Variants in GCH1 observed in about 807,000 individuals in gnomAD.
The protein encoded by GCH1 is GTP cyclohydrolase I.
GCH1 carries 5 observed loss-of-function variants against 25.9 expected under a neutral mutation model. The observed-to-expected ratio is 0.19, with a 90% CI of 0.10 to 0.41. GCH1 has a LOEUF of 0.41. Ranked by LOEUF, GCH1 falls within the 10% of genes least tolerant of loss-of-function variation. GCH1 has a pLI of 1.00. For synonymous variants in GCH1, 159 were observed against 129.6 expected, an observed-to-expected ratio of 1.23 and a Z score of -1.54; for missense variants, 261 against 336.5, an observed-to-expected ratio of 0.78 and a Z score of 1.75.
chr14:54,902,331 C>T lies in GCH1; in HGVS notation c.333G>A (p.Glu111=). 2 of 1,612,546 alleles carry T rather than the reference C, an allele frequency of 1.2e-6. No homozygotes were observed. Among genetic ancestry groups the T allele is most frequent in the Non-Finnish European group, 1.7e-6 (2 of 1,179,768 alleles). Residue 111 remains glutamate, a synonymous_variant, in exon 1 of 6, where the codon GAG becomes GAA. Transcript: ENST00000491895. ...AMQFFTKGYQ[E]TISDVLNDAI... is the part of the protein sequence containing the mutation. ...CGCGGGCGCACTGACCTGAGATGGT[C>T]TCCTGGTAGCCCTTGGTGAAGAACT...
Position 54,875,542 on chromosome 14 carries a change from C to G in GCH1, c.344-10106G>C, listed in dbSNP as rs532162507. 2.6e-5 allele frequency among the ~76,000 whole-genome samples: 4 copies of G among 152,264 alleles called. No individual in the cohort carries two copies. In the South Asian group the frequency reaches 6.2e-4, roughly 24 times the overall value. Reference sequence around the variant, plus strand: ...ACCATCAGGGTGAACAGGCAACCTACAGAATGGGAGAAAATTTTTGCAATC... The same window carrying G: ...ACCATCAGGGTGAACAGGCAACCTAGAGAATGGGAGAAAATTTTTGCAATC... On this transcript the variant is annotated intron_variant, in intron 1 of 5. Coordinates refer to ENST00000491895, the MANE Select transcript of GCH1 (RefSeq NM_000161.3).
intron 1 of GCH1, among the ~76,000 whole-genome samples, chr14:54,872,031 A>G (rs1048870382): frequency 7.9e-5 from 12 of 152,132 alleles, no homozygotes; most frequent in Non-Finnish European, 1.3e-4. Context: ...GAGCAACTCC[A>G]AGACACATAA....
rs773305370 is a variant in GCH1 at position 54,901,283 on chromosome 14, AT to A, written c.343+1037del. Among the ~76,000 whole-genome samples the A allele has an allele frequency of 4.6e-5, 7 of 152,376 alleles. No individual in the cohort carries two copies. The East Asian group carries it at 1.2e-3, about 25-fold the overall frequency. On this transcript the variant is annotated intron_variant, in intron 1 of 5. Transcript: ENST00000491895. ...AACGGTAGAATGCTTCTTAGGGCAA[AT>A]AAATAAATGTCACCAAGACACACGG... is the stretch of plus-strand genomic sequence containing the variant.
Position 54,899,999 on chromosome 14 carries a change from G to A in GCH1, c.343+2322C>T, listed in dbSNP as rs529945029. 2.3e-3 allele frequency among the ~76,000 whole-genome samples: 352 copies of A among 151,592 alleles called. 1 individual carries two copies. Among genetic ancestry groups the A allele is most frequent in the African/African-American group, 8.1e-3 (335 of 41,250 alleles). On this transcript the variant is annotated intron_variant, in intron 1 of 5. Coordinates refer to ENST00000491895, the MANE Select transcript of GCH1 (RefSeq NM_000161.3). Reference sequence around the variant, plus strand: ...CCTACCTCAGCTTCCTGAGTAGCTGGGATTACAGGCACCTGACACCATGCC... The same window carrying A: ...CCTACCTCAGCTTCCTGAGTAGCTGAGATTACAGGCACCTGACACCATGCC...
At chr14:54,859,373 G>C in intron 3 of GCH1, 1 of 402,916 alleles carries the variant, frequency 2.5e-6, no homozygotes, top group South Asian at 2.3e-5. Context: ...TAAAGGATGG[G>C]GCTGGACTGA....
At chr14:54,857,030 T>C (rs549104743) in intron 3 of GCH1, among the ~76,000 whole-genome samples, 1 of 152,342 alleles carries the variant, frequency 6.6e-6, no homozygotes, top group Non-Finnish European at 1.5e-5. Context: ...TCAGCTTTTA[T>C]TCCTCTTCAT....
chr14:54,874,592 C>A (rs1038216962), intron 1 of GCH1, among the ~76,000 whole-genome samples: 25 of 152,176 alleles, frequency 1.6e-4, no homozygotes, highest in Non-Finnish European at 2.8e-4. Flanking sequence ...ATCTAGAAAA[C>A]CCCATTGTCT....
intron 1 of GCH1, among the ~76,000 whole-genome samples, chr14:54,892,285 G>A (rs1490005653): frequency 6.6e-6 from 1 of 152,140 alleles, no homozygotes; most frequent in Non-Finnish European, 1.5e-5. Flanking sequence ...ACCCACTGGG[G>A]GTCTTGGAAC....
chr14:54,854,928 C>A (rs1320021639), intron 3 of GCH1, among the ~76,000 whole-genome samples: 1 of 152,162 alleles, frequency 6.6e-6, no homozygotes, highest in Non-Finnish European at 1.5e-5. Flanking sequence ...CTTTGGAGAG[C>A]AATTTCATAA....
chr14:54,885,360 G>T (rs562699218), intron 1 of GCH1: 3 of 263,058 alleles, frequency 1.1e-5, no homozygotes, highest in Admixed American at 8.7e-5. Context: ...GGGGGGCTGT[G>T]ATGGGGTCCA....
Position 54,843,810 on chromosome 14 carries a change from A to C in GCH1, c.*207T>G. On this transcript the variant is annotated 3_prime_UTR_variant, in exon 6 of 6. Coordinates refer to ENST00000491895, the MANE Select transcript of GCH1 (RefSeq NM_000161.3). ...ATTAGCAGTTCACTTTAATATTGCC[A>C]CAAAAAGGTGGCAAGAAGAAAGTAG... The C allele has an allele frequency of 6.2e-7, 1 of 1,613,896 alleles. No individual in the cohort carries two copies. Among genetic ancestry groups the C allele is most frequent in the Non-Finnish European group, 8.5e-7 (1 of 1,179,804 alleles).
intron 1 of GCH1, among the ~76,000 whole-genome samples, chr14:54,883,274 A>T (rs944470836): frequency 6.8e-6 from 1 of 147,066 alleles, no homozygotes; most frequent in Non-Finnish European, 1.5e-5. Flanking sequence ...CGGTAGGCTG[A>T]GGCAGATGAA....
At chr14:54,858,804 T>A (rs2039852784) in intron 3 of GCH1, among the ~76,000 whole-genome samples, 1 of 152,098 alleles carries the variant, frequency 6.6e-6, no homozygotes, top group African/African-American at 2.4e-5. Flanking sequence ...ACAAGGATAT[T>A]TAAGGGCAAT....
At position 54,902,543 on chromosome 14, in the gene GCH1, G is replaced by A; in HGVS notation, c.121C>T (p.Arg41Trp). 6.5e-7 allele frequency: 1 copy of A among 1,547,744 alleles called. No individual in the cohort carries two copies. Among genetic ancestry groups the A allele is most frequent in the South Asian group, 1.2e-5 (1 of 83,642 alleles). Residue 41 changes from arginine to tryptophan, a missense_variant, in exon 1 of 6, where the codon CGG becomes TGG. Physicochemically the swap from Arg to Trp is moderately radical, Grantham distance 101 (BLOSUM62 -3). Coordinates refer to ENST00000491895, the MANE Select transcript of GCH1 (RefSeq NM_000161.3). ...GGCTGCGCGCTCTTGGCCTCGGGCC[G>A]CGGGGGCTTCTCCGCCGGCCTGCTG... ...GPSRPAEKPP[R>W]PEAKSAQPAD...
intron 2 of GCH1, among the ~76,000 whole-genome samples, chr14:54,863,848 G>GTTGTTTGTTTGTTTGTTTGTTTGT (rs111635456): frequency 1.3e-5 from 2 of 151,396 alleles, no homozygotes; most frequent in East Asian, 1.9e-4. Flanking sequence ...GGGTTTCGTT[G>GTTGTTTGTTTGTTTGTTTGTTTGT]TTGTTTGTTT....
At chr14:54,880,465 CATAT>C (rs72187597) in intron 1 of GCH1, among the ~76,000 whole-genome samples, 1 of 73,224 alleles carries the variant, frequency 1.4e-5, no homozygotes, top group Non-Finnish European at 2.3e-5. Flanking sequence ...ATATATACTC[CATAT>C]ATATATATAC....
At chr14:54,869,720 C>T (rs2183082) in intron 1 of GCH1, among the ~76,000 whole-genome samples, 68,434 of 151,476 alleles carry the variant, frequency 0.45, 17,104 homozygotes, top group African/African-American at 0.68. Context: ...CCTCAGGTGA[C>T]CCACCTGCCT....
chr14:54,874,099 A>G (rs1242639069), intron 1 of GCH1, among the ~76,000 whole-genome samples: 5 of 152,202 alleles, frequency 3.3e-5, no homozygotes, highest in Non-Finnish European at 7.4e-5. Context: ...CCTCAAAAAA[A>G]TGCTGGCTAA....
intron 1 of GCH1, chr14:54,878,083 CAGACCTGTTTCTGCTGTGGAG>C (rs1243918404): frequency 6.5e-6 from 1 of 154,660 alleles, no homozygotes; most frequent in Non-Finnish European, 1.5e-5. Flanking sequence ...TAAGGACAAA[CAGACCTGTTTCTGCTGTGGAG>C]AAAGTGAGGG....
Sources: gnomAD v4.1 joint callset for allele counts (sites outside exome capture counted in the v4.1 genomes callset) on GRCh38, gnomAD v4.1.1 for gene constraint, MANE v1.5 for transcripts, NCBI Gene and HGNC (gene_info 2026-07-23, HGNC 2026-07-21) for gene names.